Variants in RBFOX1 observed in about 807,000 individuals in gnomAD.
RBFOX1 encodes RNA binding fox-1 homolog 1, also known as RNA binding protein fox-1 homolog 1.
In RBFOX1, 8 loss-of-function variants were observed where a neutral mutation model predicts 57.7. The observed-to-expected ratio is 0.14, with a 90% CI of 0.08 to 0.25. The LOEUF (loss-of-function observed/expected upper bound fraction) is 0.25, where lower values mean the gene tolerates loss of function less well. Among genes scored for constraint, RBFOX1 ranks in the 10% least tolerant of loss-of-function variants. RBFOX1 has a pLI of 1.00. For missense variants in RBFOX1, 611 were observed against 548.5 expected (o/e 1.11, Z -1.14); for synonymous variants, 326 against 222.4 (o/e 1.47, Z -4.15).
intron 3 of RBFOX1, among the ~76,000 whole-genome samples, chr16:5,681,021 C>T (rs1039348862): frequency 6.6e-6 from 1 of 151,862 alleles, no homozygotes; most frequent in Admixed American, 6.6e-5. Context: ...TGATGAGTTT[C>T]TAGGGAGAAT....
chr16:6,608,881 G>C (rs190612599), intron 2 of RBFOX1, among the ~76,000 whole-genome samples: 1 of 152,132 alleles, frequency 6.6e-6, no homozygotes, highest in African/African-American at 2.4e-5. Context: ...TTTTTTTCTT[G>C]AGCCTGTAGA....
At chr16:5,973,014 G>T (rs1407989016) in intron 4 of RBFOX1, among the ~76,000 whole-genome samples, 2 of 152,192 alleles carry the variant, frequency 1.3e-5, no homozygotes, top group Non-Finnish European at 1.5e-5. Flanking sequence ...TGCCTGCCTG[G>T]CAGGGTCTTA....
intron 4 of RBFOX1, among the ~76,000 whole-genome samples, chr16:5,942,254 A>C (rs1267277576): frequency 3.9e-5 from 6 of 152,086 alleles, no homozygotes; most frequent in African/African-American, 1.4e-4. Flanking sequence ...GGGTTTTTGA[A>C]ATATAGTTTG....
chr16:6,673,119 G>C (rs2098777944), intron 3 of RBFOX1, among the ~76,000 whole-genome samples: 1 of 152,194 alleles, frequency 6.6e-6, no homozygotes, highest in Non-Finnish European at 1.5e-5. Flanking sequence ...GCTTATAGCA[G>C]ACAGAGGTGC....
Position 6,689,688 on chromosome 16 carries a change from T to C in RBFOX1, c.-16+35038T>C, listed in dbSNP as rs915264613. 7.2e-5 allele frequency among the ~76,000 whole-genome samples: 11 copies of C among 152,300 alleles called. No individual in the cohort carries two copies. The South Asian group carries it at 1.0e-3, about 14-fold the overall frequency. On this transcript the variant is annotated intron_variant, in intron 3 of 15. Coordinates refer to ENST00000550418, the MANE Select transcript of RBFOX1 (RefSeq NM_018723.4). ...TCATGAAAATCCTCTGGAAGTACTT[T>C]GGTGACATGTCCGTCATTCATGTTC...
At chr16:6,621,408 G>A (rs1198921391) in intron 2 of RBFOX1, among the ~76,000 whole-genome samples, 1 of 152,198 alleles carries the variant, frequency 6.6e-6, no homozygotes, top group Non-Finnish European at 1.5e-5. Context: ...AGCTTGCAGT[G>A]AACCAAGATT....
At chr16:5,760,420 A>G (rs1213803534) in intron 3 of RBFOX1, among the ~76,000 whole-genome samples, 1 of 152,140 alleles carries the variant, frequency 6.6e-6, no homozygotes, top group African/African-American at 2.4e-5. Flanking sequence ...ATATACCCCC[A>G]AAGAATTGTA....
At chr16:5,875,882 C>T (rs1369965540) in intron 4 of RBFOX1, among the ~76,000 whole-genome samples, 6 of 146,526 alleles carry the variant, frequency 4.1e-5, no homozygotes, top group Non-Finnish European at 7.5e-5. Flanking sequence ...CTTGCTTTGT[C>T]TCCCAGGCTG....
At chr16:6,714,080 G>C (rs568306427) in intron 3 of RBFOX1, among the ~76,000 whole-genome samples, 1 of 152,170 alleles carries the variant, frequency 6.6e-6, no homozygotes. Flanking sequence ...TGCCATTCTT[G>C]TGATAGTAAG....
chr16:5,647,063 T>A (rs2049079079), intron 3 of RBFOX1, among the ~76,000 whole-genome samples: 1 of 152,198 alleles, frequency 6.6e-6, no homozygotes, highest in Non-Finnish European at 1.5e-5. Context: ...CCCTGTTCTT[T>A]CCTTCTAAGA....
At chr16:7,704,589 G>GACAGTGGGGATGCAATGGCAGACAAA (rs1488794888) in intron 14 of RBFOX1, among the ~76,000 whole-genome samples, 5 of 152,276 alleles carry the variant, frequency 3.3e-5, no homozygotes, top group Admixed American at 6.5e-5. Context: ...CACTGTTCTA[G>GACAGTGGGGATGCAATGGCAGACAAA]ACAGTGGGGA....
At chr16:7,554,070 C>T (rs1294390947) in intron 5 of RBFOX1, among the ~76,000 whole-genome samples, 1 of 152,140 alleles carries the variant, frequency 6.6e-6, no homozygotes, top group Non-Finnish European at 1.5e-5. Context: ...GATCGGAACA[C>T]TGCACTCCAG....
intron 5 of RBFOX1, among the ~76,000 whole-genome samples, chr16:7,574,093 G>T (rs2093069697): frequency 1.3e-5 from 2 of 152,106 alleles, no homozygotes; most frequent in Non-Finnish European, 2.9e-5. Context: ...TTCTCAAGTT[G>T]AATGAGGCAC....
At chr16:6,982,993 T>TAAAAA (rs370173635) in intron 3 of RBFOX1, among the ~76,000 whole-genome samples, 58 of 79,344 alleles carry the variant, frequency 7.3e-4, no homozygotes, top group African/African-American at 2.4e-3. Context: ...AGACTCTGTC[T>TAAAAA]AAAAAAAAAA....
At chr16:7,369,871 C>A (rs777535726) in intron 4 of RBFOX1, among the ~76,000 whole-genome samples, 1 of 152,206 alleles carries the variant, frequency 6.6e-6, no homozygotes, top group Non-Finnish European at 1.5e-5. Context: ...TGCAGCCAGC[C>A]TGCAAAACAG....
intron 2 of RBFOX1, among the ~76,000 whole-genome samples, chr16:5,510,191 G>A (rs2043532746): frequency 6.6e-6 from 1 of 152,340 alleles, no homozygotes; most frequent in South Asian, 2.1e-4. Flanking sequence ...CTAAAATGGG[G>A]TCTATTCTGC....
chr16:5,655,363 A>G (rs1222606151), intron 3 of RBFOX1, among the ~76,000 whole-genome samples: 1 of 152,144 alleles, frequency 6.6e-6, no homozygotes, highest in African/African-American at 2.4e-5. Flanking sequence ...TTGCCTGAGA[A>G]TGGAAAGACA....
chr16:7,428,693 G>A (rs149913579), intron 4 of RBFOX1, among the ~76,000 whole-genome samples: 259 of 151,802 alleles, frequency 1.7e-3, no homozygotes, highest in African/African-American at 5.8e-3. Flanking sequence ...TCTAATAAGC[G>A]AAGACCAAAC....
At chr16:6,237,778 GAAATT>G (rs1001722119) in intron 1 of RBFOX1, among the ~76,000 whole-genome samples, 2 of 151,628 alleles carry the variant, frequency 1.3e-5, no homozygotes, top group African/African-American at 4.8e-5. Flanking sequence ...TAAATTAAAT[GAAATT>G]AAATTAAACA....
Sources: allele counts gnomAD v4.1 joint callset (sites outside exome capture counted in the v4.1 genomes callset), GRCh38; gene constraint gnomAD v4.1.1; transcripts MANE v1.5; gene names NCBI Gene and HGNC (gene_info 2026-07-23, HGNC 2026-07-21).